GOLM1: variants seen among roughly 807,000 people sequenced by gnomAD.
The protein encoded by GOLM1 is golgi membrane protein 1.
A neutral mutation model predicts 50.5 loss-of-function variants in GOLM1; 31 were observed. The observed-to-expected ratio is 0.61, with a 90% CI of 0.46 to 0.83. The LOEUF (loss-of-function observed/expected upper bound fraction) is 0.83, where lower values mean the gene tolerates loss of function less well. Ranked by LOEUF, GOLM1 falls within the 40% of genes least tolerant of loss-of-function variation. The pLI is 0.00. For synonymous variants in GOLM1, 178 were observed against 192.8 expected (o/e 0.92, Z 0.64); for missense variants, 491 against 501.3 (o/e 0.98, Z 0.20).
Position 86,026,301 on chromosome 9 carries a change from G to T in GOLM1, c.*1516C>A. 1.0e-6 allele frequency: 1 copy of T among 984,052 alleles called. No homozygotes were observed. Among genetic ancestry groups the T allele is most frequent in the Non-Finnish European group, 1.2e-6 (1 of 828,710 alleles). The allele number at this position is 984,052 out of a possible 1,614,324, so 61.0% of individuals were successfully genotyped here. On this transcript the variant is annotated 3_prime_UTR_variant, in exon 10 of 10. Transcript: ENST00000388712. ...GAAGAGGACTTAGAAGAGTATGAAA[G>T]TACTCTAAGATTTTATCTAAGTTGC... is the stretch of plus-strand genomic sequence containing the variant.
At chr9:86,036,218 G>T in intron 7 of GOLM1, 130 bp downstream of exon 7, 1 of 892,632 alleles carries the variant, frequency 1.1e-6, no homozygotes, top group Non-Finnish European at 1.9e-6. Context: ...CAGGGGCCCA[G>T]AGAGACACGT....
chr9:86,099,145 GC>G (rs1835448161), intron 1 of GOLM1, among the ~76,000 whole-genome samples: 1 of 152,172 alleles, frequency 6.6e-6, no homozygotes, highest in East Asian at 1.9e-4. Context: ...TCCTCGCGAG[GC>G]CCCTCATCGC....
chr9:86,040,924 G>A (rs1360798296), intron 5 of GOLM1, 56 bp from the exon 6 acceptor site: 1 of 1,553,560 alleles, frequency 6.4e-7, no homozygotes, highest in East Asian at 2.2e-5. Flanking sequence ...GTCTCTGCTG[G>A]ACGGTGACAT....
intron 4 of GOLM1, among the ~76,000 whole-genome samples, chr9:86,048,219 C>G (rs1833619704): frequency 6.6e-6 from 1 of 152,118 alleles, no homozygotes; most frequent in South Asian, 2.1e-4. Context: ...ATTTTTATGG[C>G]TGCATAGTAT....
At chr9:86,046,625 A>T in intron 4 of GOLM1, 53 bp from the exon 5 acceptor site, 1 of 1,092,386 alleles carries the variant, frequency 9.2e-7, no homozygotes, top group Non-Finnish European at 1.4e-6. Context: ...CTGTCATGCC[A>T]TTCAGCCAAA....
intron 6 of GOLM1, 80 bp downstream of exon 6, chr9:86,040,659 C>T: frequency 7.3e-7 from 1 of 1,362,656 alleles, no homozygotes. Context: ...CCAGAGAAAG[C>T]CAGGCGGCAC....
chr9:86,088,482 G>A (rs1835061613), intron 1 of GOLM1, among the ~76,000 whole-genome samples: 1 of 122,512 alleles, frequency 8.2e-6, no homozygotes, highest in South Asian at 2.6e-4. Context: ...TCTTCTTGTT[G>A]CATTGATTCC....
At chr9:86,082,181 A>G (rs1347480239) in intron 1 of GOLM1, among the ~76,000 whole-genome samples, 1 of 151,316 alleles carries the variant, frequency 6.6e-6, no homozygotes, top group Non-Finnish European at 1.5e-5. Flanking sequence ...GGCACCTGCC[A>G]CCACACCTGG....
rs559387322 is a variant in GOLM1 at position 86,029,145 on chromosome 9, C to T, written c.1130-1252G>A. On this transcript the variant is annotated intron_variant, in intron 9 of 9. Coordinates refer to ENST00000388712, the MANE Select transcript of GOLM1 (RefSeq NM_016548.4). ...GTGCTGGGATTACAAGCGTGAGCAA[C>T]CACGCCCAGCTGGAACTCCTCCCCT... Among the ~76,000 whole-genome samples, 3,101 of 152,202 alleles carry T rather than the reference C, an allele frequency of 0.02. 369 individuals are homozygous for T. The East Asian group carries it at 0.36, about 18-fold the overall frequency.
intron 5 of GOLM1, among the ~76,000 whole-genome samples, chr9:86,045,705 C>T (rs955151635): frequency 6.6e-6 from 1 of 151,300 alleles, no homozygotes; most frequent in Non-Finnish European, 1.5e-5. Flanking sequence ...TACACACACA[C>T]ACACACACAC....
chr9:86,092,060 G>A (rs1241067929), intron 1 of GOLM1, among the ~76,000 whole-genome samples: 1 of 152,062 alleles, frequency 6.6e-6, no homozygotes, highest in Non-Finnish European at 1.5e-5. Flanking sequence ...CACCACTCAG[G>A]AACTCCAAGA....
rs185499460 is a variant in GOLM1, at chr9:86,073,331, A to G, written c.309+4081T>C. Among the ~76,000 whole-genome samples, 286 of 152,344 alleles carry G rather than the reference A, an allele frequency of 1.9e-3. 2 individuals carry two copies. The highest frequency in any genetic ancestry group is 6.7e-3 in the African/African-American group (279 of 41,570). On this transcript the variant is annotated intron_variant, in intron 3 of 9. Coordinates refer to ENST00000388712, the MANE Select transcript of GOLM1 (RefSeq NM_016548.4). ...ACATCCAGAGAGTCTGATCTAGTGT[A>G]TATTTTTAATCTGTATTTTGTTCAT...
At chr9:86,083,843 C>T (rs917006806) in intron 1 of GOLM1, among the ~76,000 whole-genome samples, 2 of 152,160 alleles carry the variant, frequency 1.3e-5, no homozygotes, top group African/African-American at 2.4e-5. Flanking sequence ...GTTTTAAAAA[C>T]TTTTCCAGCA....
At chr9:86,066,907 T>C (rs1201436724) in intron 3 of GOLM1, among the ~76,000 whole-genome samples, 1 of 151,980 alleles carries the variant, frequency 6.6e-6, no homozygotes, top group Non-Finnish European at 1.5e-5. Context: ...CCCAGGATCT[T>C]TGGAAGTCTT....
chr9:86,089,316 G>A (rs1305865460), intron 1 of GOLM1, among the ~76,000 whole-genome samples: 1 of 152,114 alleles, frequency 6.6e-6, no homozygotes, highest in African/African-American at 2.4e-5. Context: ...TTGCTAGGTT[G>A]GGGAAGTTCT....
At chr9:86,071,078 TAC>T (rs58612344) in intron 3 of GOLM1, among the ~76,000 whole-genome samples, 61,314 of 148,090 alleles carry the variant, frequency 0.41, 14,007 homozygotes, top group Non-Finnish European at 0.53. Context: ...TATATACATG[TAC>T]ACACACACAC....
intron 5 of GOLM1, 103 bp from the exon 6 acceptor site, chr9:86,040,971 C>T (rs1476797005): frequency 7.2e-6 from 8 of 1,118,474 alleles, no homozygotes; most frequent in Non-Finnish European, 1.0e-5. Flanking sequence ...CTTCCTGCTT[C>T]AGGCACTTCA....
chr9:86,034,760 C>T, intron 8 of GOLM1, among the ~76,000 whole-genome samples: 1 of 152,180 alleles, frequency 6.6e-6, no homozygotes, highest in East Asian at 1.9e-4. Context: ...GGTGTCATGT[C>T]CTCAGAAGTG....
intron 8 of GOLM1, among the ~76,000 whole-genome samples, chr9:86,034,467 C>T (rs1472343699): frequency 1.3e-5 from 2 of 152,106 alleles, no homozygotes; most frequent in Non-Finnish European, 1.5e-5. Flanking sequence ...TGTGACCAGC[C>T]GCTGAGGGGT....
Sources: gnomAD v4.1 joint callset for allele counts (sites outside exome capture counted in the v4.1 genomes callset) on GRCh38, gnomAD v4.1.1 for gene constraint, MANE v1.5 for transcripts, NCBI Gene and HGNC (gene_info 2026-07-23, HGNC 2026-07-21) for gene names.